The following EPB41L4A variants were observed in gnomAD, a reference collection of about 807,000 sequenced individuals.
The protein encoded by EPB41L4A is erythrocyte membrane protein band 4.1 like 4A, also known as band 4.1-like protein 4A.
Under a neutral mutation model 108.6 loss-of-function variants are expected in EPB41L4A, and 100 were observed. The ratio of observed to expected loss-of-function variants is 0.92; its 90% CI spans 0.78 to 1.09. The LOEUF (loss-of-function observed/expected upper bound fraction) is 1.09, where lower values mean the gene tolerates loss of function less well. EPB41L4A is among the 50% of genes least tolerant of loss of function. The pLI is 0.00. For missense variants in EPB41L4A, 1,030 were observed against 842.7 expected (o/e 1.22, Z -2.75); for synonymous variants, 319 against 289.0 (o/e 1.10, Z -1.05).
At chr5:112,222,816 A>G (rs1488232085) in intron 12 of EPB41L4A, among the ~76,000 whole-genome samples, 1 of 152,172 alleles carries the variant, frequency 6.6e-6, no homozygotes, top group Non-Finnish European at 1.5e-5. Flanking sequence ...CCAGGAGAGA[A>G]GAGAGGAGCA....
At chr5:112,250,022 C>T (rs927018384) in intron 9 of EPB41L4A, among the ~76,000 whole-genome samples, 2 of 151,968 alleles carry the variant, frequency 1.3e-5, no homozygotes, top group African/African-American at 2.4e-5. Flanking sequence ...GATACACACA[C>T]ATTTTTTTAA....
At chr5:112,412,739 TA>T (rs529175572) in intron 1 of EPB41L4A, among the ~76,000 whole-genome samples, 3 of 152,144 alleles carry the variant, frequency 2.0e-5, no homozygotes, top group Non-Finnish European at 4.4e-5. Flanking sequence ...CAGATGTGAT[TA>T]AAATTGTCAG....
chr5:112,243,139 G>A (rs1448272251), intron 9 of EPB41L4A, among the ~76,000 whole-genome samples: 4 of 149,640 alleles, frequency 2.7e-5, no homozygotes, highest in African/African-American at 5.1e-5. Context: ...GCTTGAATCC[G>A]GGAGGCAGAG....
Position 112,170,977 on chromosome 5 carries a change from G to C in EPB41L4A, c.1638C>G (p.Ile546Met). Residue 546 changes from isoleucine (I) to methionine (M), a missense_variant, in exon 19 of 23, where the codon ATC becomes ATG. Coordinates refer to ENST00000261486, the MANE Select transcript of EPB41L4A (RefSeq NM_022140.5). ...GCTTCCATAACTCTTCTTTTGCTTGGATATCGGGGCTTCTCCTATAAATAG... is the reference window on the plus strand; with the variant it reads ...GCTTCCATAACTCTTCTTTTGCTTGCATATCGGGGCTTCTCCTATAAATAG... ...RHRSRSRSPD[I>M]QAKEELWKHI... The C allele has an allele frequency of 6.2e-7, 1 of 1,613,650 alleles. No homozygotes were observed. Among genetic ancestry groups the C allele is most frequent in the Non-Finnish European group, 8.5e-7 (1 of 1,179,596 alleles).
intron 2 of EPB41L4A, among the ~76,000 whole-genome samples, chr5:112,304,037 AG>A (rs1262513756): frequency 2.6e-5 from 4 of 152,144 alleles, no homozygotes; most frequent in African/African-American, 9.7e-5. Flanking sequence ...AAGGGTATGA[AG>A]CAACTAAGTG....
intron 5 of EPB41L4A, among the ~76,000 whole-genome samples, chr5:112,266,028 G>A (rs767889105): frequency 6.6e-6 from 1 of 152,116 alleles, no homozygotes; most frequent in Non-Finnish European, 1.5e-5. Context: ...ACCTCCATAC[G>A]ACCTACCATA....
intron 1 of EPB41L4A, among the ~76,000 whole-genome samples, chr5:112,376,580 A>T (rs754387393): frequency 2.0e-5 from 3 of 152,230 alleles, no homozygotes; most frequent in Non-Finnish European, 4.4e-5. Flanking sequence ...AAACCTGTAC[A>T]TGAGTGATCA....
chr5:112,265,209 A>G (rs1303900608), intron 5 of EPB41L4A, among the ~76,000 whole-genome samples, 193 bp from the exon 6 acceptor site: 1 of 152,262 alleles, frequency 6.6e-6, no homozygotes, highest in Non-Finnish European at 1.5e-5. Context: ...TTCTGGACTT[A>G]AAAACAGAAG....
intron 1 of EPB41L4A, among the ~76,000 whole-genome samples, chr5:112,337,042 A>G (rs1352120367): frequency 6.6e-6 from 1 of 152,186 alleles, no homozygotes; most frequent in Non-Finnish European, 1.5e-5. Context: ...AACAATATGC[A>G]TTGTGGACAT....
chr5:112,222,895 C>T (rs1444166601), intron 12 of EPB41L4A, among the ~76,000 whole-genome samples: 3 of 151,760 alleles, frequency 2.0e-5, no homozygotes, highest in Non-Finnish European at 4.4e-5. Flanking sequence ...AGCACAGTGC[C>T]AGTGACCCAA....
intron 1 of EPB41L4A, among the ~76,000 whole-genome samples, chr5:112,309,502 T>C (rs1055504379): frequency 2.0e-5 from 3 of 152,228 alleles, no homozygotes; most frequent in Non-Finnish European, 4.4e-5. Context: ...GTGAAACCTC[T>C]ATATGGTTGT....
chr5:112,161,397 A>C, downstream of EPB41L4A: 1 of 429,892 alleles, frequency 2.3e-6, no homozygotes. Flanking sequence ...AATTTCTCTG[A>C]AATGTATTGT....
intron 11 of EPB41L4A, among the ~76,000 whole-genome samples, chr5:112,237,470 AC>A (rs1749432058): frequency 6.6e-6 from 1 of 152,204 alleles, no homozygotes; most frequent in Admixed American, 6.5e-5. Flanking sequence ...ATGGTGCACA[AC>A]CACAAAGACA....
intron 1 of EPB41L4A, among the ~76,000 whole-genome samples, chr5:112,363,197 C>T (rs991684012): frequency 6.6e-6 from 1 of 152,170 alleles, no homozygotes; most frequent in African/African-American, 2.4e-5. Flanking sequence ...GGTTCTGCAG[C>T]TGGGTAATAA....
At chr5:112,359,227 T>A (rs1412846930) in intron 1 of EPB41L4A, among the ~76,000 whole-genome samples, 1 of 152,244 alleles carries the variant, frequency 6.6e-6, no homozygotes, top group East Asian at 1.9e-4. Flanking sequence ...TGTACACATG[T>A]CTTAGAAGAG....
At chr5:112,324,468 G>C (rs1429676418) in intron 1 of EPB41L4A, among the ~76,000 whole-genome samples, 1 of 152,064 alleles carries the variant, frequency 6.6e-6, no homozygotes, top group Non-Finnish European at 1.5e-5. Flanking sequence ...AATGGTGCCT[G>C]TAATCCTAAC....
chr5:112,178,758 A>G (rs1185416570), intron 18 of EPB41L4A, among the ~76,000 whole-genome samples: 1 of 152,074 alleles, frequency 6.6e-6, no homozygotes, highest in Non-Finnish European at 1.5e-5. Context: ...CATGTGAGAT[A>G]TAGTTAAAGC....
At chr5:112,331,629 G>C (rs1329024602) in intron 1 of EPB41L4A, among the ~76,000 whole-genome samples, 1 of 152,168 alleles carries the variant, frequency 6.6e-6, no homozygotes, top group East Asian at 1.9e-4. Flanking sequence ...GGGCCTTCTG[G>C]GTACTATTGC....
At chr5:112,402,961 T>A (rs572339139) in intron 1 of EPB41L4A, among the ~76,000 whole-genome samples, 1 of 152,150 alleles carries the variant, frequency 6.6e-6, no homozygotes, top group South Asian at 2.1e-4. Flanking sequence ...CAAATATTAA[T>A]ATGGTATTTA....
Sources: allele counts gnomAD v4.1 joint callset (sites outside exome capture counted in the v4.1 genomes callset), GRCh38; gene constraint gnomAD v4.1.1; transcripts MANE v1.5; gene names NCBI Gene and HGNC (gene_info 2026-07-23, HGNC 2026-07-21).